Variants in BLVRB observed in about 807,000 individuals in gnomAD.
BLVRB encodes flavin reductase (NADPH).
BLVRB carries 25 observed loss-of-function variants against 21.1 expected under a neutral mutation model. That is an observed-to-expected ratio of 1.19 (90% CI 0.86 to 1.66). The LOEUF (loss-of-function observed/expected upper bound fraction) is 1.66, where lower values mean the gene tolerates loss of function less well. Ranked by LOEUF, BLVRB falls within the 40% of genes most tolerant of loss-of-function variation. The pLI is 0.00. For missense variants in BLVRB, 274 were observed against 282.7 expected, an observed-to-expected ratio of 0.97 and a Z score of 0.22; for synonymous variants, 128 against 122.2, an observed-to-expected ratio of 1.05 and a Z score of -0.31.
intron 3 of BLVRB, among the ~76,000 whole-genome samples, chr19:40,453,968 G>A (rs2079751464): frequency 6.6e-6 from 1 of 152,188 alleles, no homozygotes; most frequent in Non-Finnish European, 1.5e-5. Context: ...CTGGACAACA[G>A]AGCAAGACCT....
chr19:40,462,349 G>C (rs2079791395), intron 1 of BLVRB, among the ~76,000 whole-genome samples: 1 of 150,022 alleles, frequency 6.7e-6, no homozygotes. Context: ...CGCAATCTCA[G>C]CTCACTGCAA....
chr19:40,465,558 T>A, intron 1 of BLVRB, 52 bp downstream of exon 1: 1 of 1,568,604 alleles, frequency 6.4e-7, no homozygotes, highest in South Asian at 1.2e-5. Context: ...TGCCCCTTCC[T>A]AAAGTTCTGC....
At chr19:40,462,528 T>C (rs1291642037) in intron 1 of BLVRB, among the ~76,000 whole-genome samples, 1 of 150,554 alleles carries the variant, frequency 6.6e-6, no homozygotes, top group African/African-American at 2.4e-5. Flanking sequence ...TCCGCCCACC[T>C]TGGCCTCCCA....
chr19:40,465,104 G>C lies in BLVRB; in HGVS notation c.79+506C>G, dbSNP rs1014103387. ...AGTTTCCAGCCTGGGGACTTGTGGTGGTTAAGAGCATGAGCTGAGTTCAAA... is the reference window on the plus strand; with the variant it reads ...AGTTTCCAGCCTGGGGACTTGTGGTCGTTAAGAGCATGAGCTGAGTTCAAA... On this transcript the variant is annotated intron_variant, in intron 1 of 4. Transcript: ENST00000263368. 2.0e-5 allele frequency among the ~76,000 whole-genome samples: 3 copies of C among 152,132 alleles called. No homozygotes were observed. In the East Asian group the frequency reaches 5.8e-4, roughly 29 times the overall value.
intron 1 of BLVRB, among the ~76,000 whole-genome samples, chr19:40,463,784 T>A (rs1697941772): frequency 1.3e-5 from 2 of 151,290 alleles, no homozygotes; most frequent in African/African-American, 4.9e-5. Flanking sequence ...TTTTTTTTTT[T>A]GAGACAGAGT....
chr19:40,465,499 C>T (rs769278685), intron 1 of BLVRB, 111 bp downstream of exon 1: 1 of 1,369,322 alleles, frequency 7.3e-7, no homozygotes, highest in South Asian at 1.3e-5. Context: ...TCCTCATACA[C>T]CTGGCTGGGG....
At chr19:40,464,863 G>C (rs1002721157) in intron 1 of BLVRB, among the ~76,000 whole-genome samples, 1 of 152,180 alleles carries the variant, frequency 6.6e-6, no homozygotes, top group Non-Finnish European at 1.5e-5. Flanking sequence ...ATATCTGGAA[G>C]TCCCAGGCCC....
chr19:40,449,859 G>A (rs1021419746), intron 4 of BLVRB, among the ~76,000 whole-genome samples: 2 of 152,188 alleles, frequency 1.3e-5, no homozygotes, highest in Non-Finnish European at 2.9e-5. Flanking sequence ...AAGGGCTTAT[G>A]TGTATTCATA....
At chr19:40,457,952 T>C in intron 3 of BLVRB, 2 of 568,224 alleles carry the variant, frequency 3.5e-6, no homozygotes, top group Non-Finnish European at 6.4e-6. Context: ...CACCTCTCTC[T>C]GTGAGCCTTG....
At chr19:40,461,719 C>G (rs1274417418) in intron 1 of BLVRB, among the ~76,000 whole-genome samples, 3 of 152,130 alleles carry the variant, frequency 2.0e-5, no homozygotes, top group Non-Finnish European at 4.4e-5. Flanking sequence ...CCAGGCTGGT[C>G]TCGAACTCCT....
intron 1 of BLVRB, among the ~76,000 whole-genome samples, chr19:40,463,728 C>T (rs1186878594): frequency 1.3e-5 from 2 of 151,656 alleles, no homozygotes; most frequent in African/African-American, 4.8e-5. Flanking sequence ...CCTCAGCCTC[C>T]CAAGTACCTG....
chr19:40,448,213 C>T (rs903320424), intron 4 of BLVRB, among the ~76,000 whole-genome samples, 167 bp from the exon 5 acceptor site: 2 of 152,106 alleles, frequency 1.3e-5, no homozygotes, highest in Non-Finnish European at 2.9e-5. Flanking sequence ...ATATCCTTTG[C>T]TTCATTCATT....
rs144037128 is a variant in BLVRB at position 40,461,122 on chromosome 19, A to G, written c.80-2577T>C. Among the ~76,000 whole-genome samples, 416 of 152,068 alleles carry G rather than the reference A, an allele frequency of 2.7e-3. 8 individuals are homozygous for G. The East Asian group carries it at 0.042, about 15-fold the overall frequency. ...GGTCTCGAACTCCTGGACTCAAGTAATCTGCCTGGCATGGCCTCCCAAAGT... is the reference window on the plus strand; with the variant it reads ...GGTCTCGAACTCCTGGACTCAAGTAGTCTGCCTGGCATGGCCTCCCAAAGT... On this transcript the variant is annotated intron_variant, in intron 1 of 4. Coordinates refer to ENST00000263368, the MANE Select transcript of BLVRB (RefSeq NM_000713.3).
In BLVRB at chr19:40,451,498, G is replaced by A; in HGVS notation, c.335-6C>T. On this transcript the variant is annotated splice_polypyrimidine_tract_variant and splice_region_variant and intron_variant, in intron 3 of 4. Coordinates refer to ENST00000263368, the MANE Select transcript of BLVRB (RefSeq NM_000713.3). The stretch of plus-strand genomic sequence containing the variant: ...AGGGTCCCAGAGCAGGAAAGCTGGA[G>A]GGAACACAGGGCAGGATCAGCCTGG... 1.2e-6 allele frequency: 2 copies of A among 1,604,790 alleles called. No homozygotes were observed. Among genetic ancestry groups the A allele is most frequent in the Non-Finnish European group, 1.7e-6 (2 of 1,175,286 alleles).
chr19:40,447,822 C>T lies in BLVRB; in HGVS notation c.*67G>A. The T allele has an allele frequency of 6.4e-7, 1 of 1,554,066 alleles. No homozygotes were observed. Among genetic ancestry groups the T allele is most frequent in the Non-Finnish European group, 8.8e-7 (1 of 1,136,024 alleles). On this transcript the variant is annotated 3_prime_UTR_variant, in exon 5 of 5. Transcript: ENST00000263368. ...GAGTAATTTGAAGCTCTTGGCTCAA[C>T]ATTTATTGCCCCCTTCCTTTGCTCC...
intron 1 of BLVRB, among the ~76,000 whole-genome samples, chr19:40,458,786 G>A (rs1038290329): frequency 2.0e-5 from 3 of 151,922 alleles, no homozygotes; most frequent in Non-Finnish European, 4.4e-5. Context: ...CTCAACCTCC[G>A]GGGTTCAACT....
intron 4 of BLVRB, among the ~76,000 whole-genome samples, chr19:40,449,124 C>T (rs1004241160): frequency 6.6e-6 from 1 of 151,936 alleles, no homozygotes; most frequent in Non-Finnish European, 1.5e-5. Context: ...GCATTCCTGC[C>T]CAACATGTTT....
At chr19:40,449,294 G>A (rs1169301298) in intron 4 of BLVRB, among the ~76,000 whole-genome samples, 1 of 151,800 alleles carries the variant, frequency 6.6e-6, no homozygotes, top group Non-Finnish European at 1.5e-5. Context: ...CACCCAGGCT[G>A]GAGTACAGTG....
At chr19:40,458,355 C>T (rs754685644) in intron 2 of BLVRB, 26 bp downstream of exon 2, 21 of 1,542,304 alleles carry the variant, frequency 1.4e-5, no homozygotes, top group African/African-American at 2.7e-5. Flanking sequence ...TAGGGGAGGG[C>T]CGTGGGCAGA....
Sources: gnomAD v4.1 joint callset for allele counts (sites outside exome capture counted in the v4.1 genomes callset) on GRCh38, gnomAD v4.1.1 for gene constraint, MANE v1.5 for transcripts, NCBI Gene and HGNC (gene_info 2026-07-23, HGNC 2026-07-21) for gene names.